Variants in DDR2 observed in about 807,000 individuals in gnomAD.
DDR2 encodes discoidin domain receptor tyrosine kinase 2.
A neutral mutation model predicts 94.9 loss-of-function variants in DDR2; 27 were observed. The observed-to-expected ratio is 0.28, with a 90% CI of 0.21 to 0.39. The LOEUF (loss-of-function observed/expected upper bound fraction) is 0.39. Among genes scored for constraint, DDR2 ranks in the 10% least tolerant of loss-of-function variants. DDR2 has a pLI of 1.00. For missense variants in DDR2, 783 were observed against 1,076.0 expected (o/e 0.73, Z 3.81); for synonymous variants, 382 against 377.2 (o/e 1.01, Z -0.15).
At chr1:162,732,920 C>T (rs1280292181) in intron 3 of DDR2, among the ~76,000 whole-genome samples, 1 of 152,360 alleles carries the variant, frequency 6.6e-6, no homozygotes, top group East Asian at 1.9e-4. Context: ...TGCTTCTCCT[C>T]AGCCTGCCTG....
intron 2 of DDR2, among the ~76,000 whole-genome samples, chr1:162,661,721 C>A (rs1488756042): frequency 1.3e-5 from 2 of 152,206 alleles, no homozygotes; most frequent in African/African-American, 2.4e-5. Context: ...GGGCACTCTG[C>A]TCTGCTCTGC....
intron 1 of DDR2, among the ~76,000 whole-genome samples, chr1:162,647,291 A>C (rs1336065628): frequency 6.6e-6 from 1 of 152,184 alleles, no homozygotes; most frequent in Non-Finnish European, 1.5e-5. Context: ...AGAAATATTT[A>C]AATGCACTTG....
chr1:162,719,190 T>C, intron 3 of DDR2, 45 bp downstream of exon 3: 1 of 1,613,126 alleles, frequency 6.2e-7, no homozygotes, highest in Non-Finnish European at 8.5e-7. Flanking sequence ...ACCAGCAGAA[T>C]GTTTAAACCC....
rs16844258 is a variant in DDR2, at chr1:162,736,381, G to A, written c.83-16714G>A. Among the ~76,000 whole-genome samples the A allele has an allele frequency of 6.6e-3, 1,011 of 152,310 alleles. 12 individuals are homozygous for A. Among genetic ancestry groups the A allele is most frequent in the African/African-American group, 9.4e-3 (391 of 41,568 alleles). On this transcript the variant is annotated intron_variant, in intron 3 of 17. Coordinates refer to ENST00000367921, the MANE Select transcript of DDR2 (RefSeq NM_006182.4). ...CCCACATGGTATAAGTGGTAGAACCGGGAGTGGATGCGAAGTCTTGATTTT... is the reference window on the plus strand; with the variant it reads ...CCCACATGGTATAAGTGGTAGAACCAGGAGTGGATGCGAAGTCTTGATTTT...
rs1647721178 is a variant in DDR2, at chr1:162,778,659, C to T, written c.2363C>T (p.Pro788Leu). ...ACTTTCACCTTTTGTCAAGAACAGCCCTATTCCCAGCTGTCAGATGAACAG... is the reference window on the plus strand; with the variant it reads ...ACTTTCACCTTTTGTCAAGAACAGCTCTATTCCCAGCTGTCAGATGAACAG... ...WETFTFCQEQ[P>L]YSQLSDEQVI... The change falls in exon 17 of 18, where the codon CCC becomes CTC. Residue 788 changes from proline (P) to leucine (L), a missense_variant. Around this residue, in one of 2 missense-constraint regions of DDR2, gnomAD observed 264 missense variants for 428.2 expected, o/e 0.62. Transcript: ENST00000367921. 6.2e-7 allele frequency: 1 copy of T among 1,613,830 alleles called. No individual in the cohort carries two copies. Among genetic ancestry groups the T allele is most frequent in the Non-Finnish European group, 8.5e-7 (1 of 1,179,914 alleles).
chr1:162,761,579 C>G, intron 9 of DDR2, 125 bp downstream of exon 9: 1 of 1,463,612 alleles, frequency 6.8e-7, no homozygotes, highest in South Asian at 1.2e-5. Flanking sequence ...TTCTCATTGA[C>G]GGATACGGTG....
At chr1:162,691,683 C>T (rs1301054349) in intron 2 of DDR2, among the ~76,000 whole-genome samples, 1 of 152,168 alleles carries the variant, frequency 6.6e-6, no homozygotes, top group Non-Finnish European at 1.5e-5. Flanking sequence ...AATACTCTTG[C>T]CATGTTTGAT....
intron 3 of DDR2, among the ~76,000 whole-genome samples, chr1:162,747,090 A>T (rs1662910369): frequency 6.6e-6 from 1 of 152,248 alleles, no homozygotes; most frequent in African/African-American, 2.4e-5. Flanking sequence ...GAAAATTCTA[A>T]AAATCAGAGC....
chr1:162,653,199 C>G (rs1367432711), intron 1 of DDR2, among the ~76,000 whole-genome samples: 1 of 152,172 alleles, frequency 6.6e-6, no homozygotes, highest in Non-Finnish European at 1.5e-5. Flanking sequence ...GGTGGGGTTT[C>G]CTTTAGCTTC....
intron 2 of DDR2, among the ~76,000 whole-genome samples, chr1:162,660,494 C>T (rs1457277519): frequency 6.6e-6 from 1 of 152,172 alleles, no homozygotes; most frequent in Admixed American, 6.5e-5. Context: ...TCTAGGACCT[C>T]AGACTAAATC....
intron 2 of DDR2, among the ~76,000 whole-genome samples, chr1:162,699,082 G>C (rs1431474058): frequency 6.6e-6 from 1 of 152,154 alleles, no homozygotes; most frequent in Non-Finnish European, 1.5e-5. Flanking sequence ...TCCCATGACG[G>C]GAGATTCAGG....
At chr1:162,681,819 G>C (rs1259487716) in intron 2 of DDR2, among the ~76,000 whole-genome samples, 1 of 152,142 alleles carries the variant, frequency 6.6e-6, no homozygotes, top group Non-Finnish European at 1.5e-5. Context: ...GGAATTTTAA[G>C]GGGACACAAA....
At chr1:162,773,145 A>C (rs1241283825) in intron 13 of DDR2, among the ~76,000 whole-genome samples, 1 of 152,252 alleles carries the variant, frequency 6.6e-6, no homozygotes, top group Non-Finnish European at 1.5e-5. Flanking sequence ...TAATGAATCG[A>C]AGTTCAAGCA....
rs149598907 is a variant in DDR2 at position 162,688,795 on chromosome 1, A to G, written c.-27-30242A>G. ...CTGTCTGGAGAAGGTCCAGGAAAGT[A>G]CCAAGAAGTAAAGAAGTACCTGAGA... On this transcript the variant is annotated intron_variant, in intron 2 of 17. Transcript: ENST00000367921. 2.6e-3 allele frequency among the ~76,000 whole-genome samples: 396 copies of G among 152,304 alleles called. 1 individual carries two copies. The highest frequency in any genetic ancestry group is 9.3e-3 in the African/African-American group (385 of 41,564).
intron 3 of DDR2, among the ~76,000 whole-genome samples, chr1:162,719,692 A>G (rs1661332460): frequency 6.6e-6 from 1 of 152,218 alleles, no homozygotes; most frequent in Non-Finnish European, 1.5e-5. Context: ...GCATTTTTAA[A>G]GTTTAAATGG....
chr1:162,700,645 T>C (rs1660389299), intron 2 of DDR2, among the ~76,000 whole-genome samples: 1 of 152,170 alleles, frequency 6.6e-6, no homozygotes, highest in South Asian at 2.1e-4. Flanking sequence ...GGTCATCCTT[T>C]TACTACACAT....
intron 2 of DDR2, among the ~76,000 whole-genome samples, chr1:162,706,812 G>A (rs1241316607): frequency 6.6e-6 from 1 of 152,162 alleles, no homozygotes; most frequent in East Asian, 1.9e-4. Context: ...TAATCGCCTG[G>A]AACAAACATA....
intron 2 of DDR2, among the ~76,000 whole-genome samples, chr1:162,702,315 G>A (rs10753586): frequency 0.97 from 148,245 of 152,180 alleles, 72,325 homozygotes; most frequent in East Asian, 1. Flanking sequence ...TGGAGAAAAG[G>A]TATCTTTTAC....
chr1:162,720,911 T>C (rs576536826), intron 3 of DDR2, among the ~76,000 whole-genome samples: 17 of 152,332 alleles, frequency 1.1e-4, no homozygotes, highest in Middle Eastern at 3.4e-3. Flanking sequence ...TTTTTCTTTA[T>C]ACCTTCAATA....
Sources: allele counts gnomAD v4.1 joint callset (sites outside exome capture counted in the v4.1 genomes callset), GRCh38; gene constraint gnomAD v4.1.1; regional missense constraint gnomAD v4.1.1; transcripts MANE v1.5; gene names NCBI Gene and HGNC (gene_info 2026-07-23, HGNC 2026-07-21).